Variants in MAPK8IP3 observed in about 807,000 individuals in gnomAD.
MAPK8IP3 encodes the protein C-Jun-amino-terminal kinase-interacting protein 3.
A neutral mutation model predicts 157.8 loss-of-function variants in MAPK8IP3; 49 were observed. That is an observed-to-expected ratio of 0.31 (90% confidence interval 0.25 to 0.39). The LOEUF (loss-of-function observed/expected upper bound fraction) is 0.39. Ranked by LOEUF, MAPK8IP3 falls within the 10% of genes least tolerant of loss-of-function variation. MAPK8IP3 has a pLI of 1.00. For missense variants in MAPK8IP3, 1,478 were observed against 1,889.4 expected (o/e 0.78, Z 4.04); for synonymous variants, 897 against 777.7 (o/e 1.15, Z -2.55).
chr16:1,735,068 T>G (rs1230412323), intron 4 of MAPK8IP3: 1 of 152,838 alleles, frequency 6.5e-6, no homozygotes, highest in African/African-American at 2.4e-5. Context: ...TGGCACTGGC[T>G]GAACTGCCAC....
intron 4 of MAPK8IP3, among the ~76,000 whole-genome samples, chr16:1,734,221 C>T (rs1409303733): frequency 1.3e-5 from 2 of 152,252 alleles, no homozygotes; most frequent in African/African-American, 4.8e-5. Context: ...GGCGCTGGGG[C>T]TGGCGGCCCT....
chr16:1,747,425 C>CT, intron 6 of MAPK8IP3, 150 bp downstream of exon 6: 1 of 1,207,484 alleles, frequency 8.3e-7, no homozygotes, highest in Non-Finnish European at 1.1e-6. Flanking sequence ...GATCAAGGCG[C>CT]TGGCAGGGTA....
chr16:1,706,453 C>G lies in MAPK8IP3; in HGVS notation c.114C>G (p.Arg38=). The G allele has an allele frequency of 6.2e-7, 1 of 1,613,988 alleles. No homozygotes were observed. Among genetic ancestry groups the G allele is most frequent in the Non-Finnish European group, 8.5e-7 (1 of 1,179,986 alleles). Residue 38 remains arginine, a synonymous_variant, in exon 1 of 32, where the codon CGC becomes CGG. Transcript: ENST00000610761. The surrounding 1 kb of genome is among the most constrained non-coding windows in gnomAD (Gnocchi z 5.1). ...RVSGLAGSIY[R]EFERLIHCYD... ...CGGGCCTGGCGGGCTCCATCTACCG[C>G]GAGTTCGAGCGCCTCATCCACTGCT...
At position 1,767,842 on chromosome 16, in the gene MAPK8IP3, G is replaced by A. The variant is rs577894441; in HGVS notation, c.3447G>A (p.Thr1149=). ...GKLGFSFVRI[T]ALLVAGSRLW... ...TGGGTTTCTCCTTCGTACGCATCAC[G>A]GCCCTGCTTGTCGCGGGCAGCCGGC... Residue 1149 remains threonine, a synonymous_variant, in exon 28 of 32, where the codon ACG becomes ACA. Transcript: ENST00000610761. 9.3e-6 allele frequency: 15 copies of A among 1,611,146 alleles called. No individual in the cohort carries two copies. In the East Asian group the frequency reaches 2.2e-4, roughly 24 times the overall value.
At chr16:1,748,967 T>G in intron 8 of MAPK8IP3, 1 of 650,446 alleles carries the variant, frequency 1.5e-6, no homozygotes. Context: ...AGTGGTGTAG[T>G]GTTTGCACCC....
chr16:1,744,391 T>C (rs1038077168), intron 5 of MAPK8IP3: 3 of 985,784 alleles, frequency 3.0e-6, no homozygotes, highest in Non-Finnish European at 3.6e-6. Flanking sequence ...CCTCTAAGTG[T>C]CCATCGTGCC....
chr16:1,722,962 A>G (rs1322442324), intron 1 of MAPK8IP3, among the ~76,000 whole-genome samples: 5 of 151,856 alleles, frequency 3.3e-5, no homozygotes, highest in Non-Finnish European at 7.4e-5. Context: ...CAGCCTCCCA[A>G]AGTGCTGAGA....
chr16:1,744,034 G>A, intron 5 of MAPK8IP3: 1 of 991,214 alleles, frequency 1.0e-6, no homozygotes, highest in Non-Finnish European at 1.2e-6. Context: ...GCCCCAGCAG[G>A]TACTCACAGC....
intron 8 of MAPK8IP3, among the ~76,000 whole-genome samples, chr16:1,749,530 C>T (rs1341351892): frequency 2.6e-5 from 4 of 152,210 alleles, no homozygotes; most frequent in Admixed American, 6.5e-5. Context: ...AGGTCTGTGG[C>T]GGCTGCAAAC....
At chr16:1,736,147 TGTGTGACCGTCCGTGTGAGCGTCC>T (rs2039770747) in intron 4 of MAPK8IP3, among the ~76,000 whole-genome samples, 2 of 114,380 alleles carry the variant, frequency 1.7e-5, no homozygotes, top group Non-Finnish European at 3.6e-5. Context: ...TGTGAGCATC[TGTGTGACCGTCCGTGTGAGCGTCC>T]GTGTGAGCGT....
chr16:1,764,579 C>T (rs973852748), intron 19 of MAPK8IP3, 120 bp downstream of exon 19: 3 of 1,341,770 alleles, frequency 2.2e-6, no homozygotes, highest in Non-Finnish European at 2.0e-6. Context: ...AGCAGGGCAG[C>T]GCAGGGGCTC....
At chr16:1,752,810 G>T (rs2041370925) in intron 8 of MAPK8IP3, among the ~76,000 whole-genome samples, 1 of 151,938 alleles carries the variant, frequency 6.6e-6, no homozygotes, top group South Asian at 2.1e-4. Flanking sequence ...GATGAGTGGG[G>T]ACCTCCTGCT....
At position 1,759,967 on chromosome 16, in the gene MAPK8IP3, A is replaced by G. The variant is rs562123736; in HGVS notation, c.1256A>G (p.Lys419Arg). The G allele has an allele frequency of 4.1e-4, 662 of 1,614,204 alleles. 11 individuals are homozygous for G. In the South Asian group the frequency reaches 7.0e-3, roughly 17 times the overall value. Residue 419 changes from lysine to arginine, a missense_variant, in exon 11 of 32, where the codon AAA becomes AGA. Coordinates refer to ENST00000610761, the MANE Select transcript of MAPK8IP3 (RefSeq NM_001318852.2). Reference protein sequence around the residue: ...SVRDDFFGMGKEVGNLLLENS... With the variant: ...SVRDDFFGMGREVGNLLLENS... ...GCACCTTCTGTTTCAGGAATGGGCAAAGAAGTGGGGAATCTGCTACTGGAA... is the reference window on the plus strand; with the variant it reads ...GCACCTTCTGTTTCAGGAATGGGCAGAGAAGTGGGGAATCTGCTACTGGAA...
rs771554722 is a variant in MAPK8IP3, at chr16:1,764,441, G to A, written c.2262G>A (p.Thr754=). 2 of 1,608,338 alleles carry A rather than the reference G, an allele frequency of 1.2e-6. No individual in the cohort carries two copies. The highest frequency in any genetic ancestry group is 1.1e-5 in the South Asian group (1 of 90,410). The change falls in exon 19 of 32, where the codon ACG becomes ACA. Residue 754 remains threonine, a synonymous_variant. Coordinates refer to ENST00000610761, the MANE Select transcript of MAPK8IP3 (RefSeq NM_001318852.2). ...EGDGEPKSAH[T]SPEKKKAKEL... ...ACGGCGAGCCCAAGAGCGCCCACAC[G>A]TCTCCCGAGAAGAAGAAGGTGAGCA... is the stretch of plus-strand genomic sequence containing the variant.
intron 5 of MAPK8IP3, chr16:1,744,597 C>G: frequency 1.0e-6 from 1 of 985,656 alleles, no homozygotes; most frequent in African/African-American, 1.7e-5. Context: ...CTCTCACTGT[C>G]TCTGGCTCAC....
At position 1,768,765 on chromosome 16, in the gene MAPK8IP3, C is replaced by T. The variant is rs927689935; in HGVS notation, c.3955C>T (p.Leu1319=). ...AGDMSQVKPV[L]SKAERSHIIV... Reference sequence around the variant, plus strand: ...GGACATGAGCCAGGTGAAGCCCGTGCTGTCCAAGGCAGAGCGCAGTCACAT... The same window carrying T: ...GGACATGAGCCAGGTGAAGCCCGTGTTGTCCAAGGCAGAGCGCAGTCACAT... The change falls in exon 32 of 32, where the codon CTG becomes TTG. Residue 1319 remains leucine, a synonymous_variant. Coordinates refer to ENST00000610761, the MANE Select transcript of MAPK8IP3 (RefSeq NM_001318852.2). 1 of 1,612,776 alleles carries T rather than the reference C, an allele frequency of 6.2e-7. No individual in the cohort carries two copies. The highest frequency in any genetic ancestry group is 1.7e-5 in the Admixed American group (1 of 60,018).
rs77247726 is a variant in MAPK8IP3 at position 1,734,249 on chromosome 16, G to A, written c.602+4671G>A. Among the ~76,000 whole-genome samples the A allele has an allele frequency of 1.7e-3, 252 of 152,378 alleles. 6 individuals are homozygous for A. In the East Asian group the frequency reaches 0.044, roughly 27 times the overall value. On this transcript the variant is annotated intron_variant, in intron 4 of 31. Transcript: ENST00000610761. Reference sequence around the variant, plus strand: ...GCGGCCCTGTCTCCCTGAGCATGCCGAGGCCCTGACGGGAGCATGCTCCAT... The same window carrying A: ...GCGGCCCTGTCTCCCTGAGCATGCCAAGGCCCTGACGGGAGCATGCTCCAT...
intron 1 of MAPK8IP3, among the ~76,000 whole-genome samples, chr16:1,721,122 A>G (rs2038490962): frequency 6.7e-6 from 1 of 149,530 alleles, no homozygotes; most frequent in Non-Finnish European, 1.5e-5. Context: ...TGGATCACCT[A>G]AGGTCAAGAG....
chr16:1,708,890 A>T (rs1413513914), intron 1 of MAPK8IP3, among the ~76,000 whole-genome samples: 4 of 152,152 alleles, frequency 2.6e-5, no homozygotes, highest in Non-Finnish European at 4.4e-5. Context: ...AATCAAGCAG[A>T]CCTTCATTTC....
Sources: gnomAD v4.1 joint callset for allele counts (sites outside exome capture counted in the v4.1 genomes callset) on GRCh38, gnomAD v4.1.1 for gene constraint, Gnocchi (gnomAD v3.1) non-coding constraint, MANE v1.5 for transcripts, NCBI Gene and HGNC (gene_info 2026-07-23, HGNC 2026-07-21) for gene names.